The following LARS1 variants were observed in gnomAD, a reference collection of about 807,000 sequenced individuals.
LARS1 encodes leucyl-tRNA synthetase 1, also known as leucine--tRNA ligase, cytoplasmic.
LARS1 carries 100 observed loss-of-function variants against 162.8 expected under a neutral mutation model. The observed-to-expected ratio is 0.61, with a 90% CI of 0.52 to 0.73. The LOEUF is 0.73. LARS1 is among the 30% of genes least tolerant of loss of function. The pLI is 0.00. For missense variants in LARS1, 1,258 were observed against 1,408.9 expected (o/e 0.89, Z 1.71); for synonymous variants, 457 against 462.8 (o/e 0.99, Z 0.16).
At position 146,114,193 on chromosome 5, in the gene LARS1, A is replaced by G. The variant is rs768362696; in HGVS notation, c.3444T>C (p.Asn1148=). ...GAATTTTCTTGCTCATGAGGTCCAC[A>G]TTGAAAACAGCATGCTCAGAAATGG... The part of the protein sequence containing the change: ...KTPISEHAVF[N]VDLMSKKIHL... The change falls in exon 32 of 32, where the codon AAT becomes AAC. Residue 1148 remains asparagine (N), a synonymous_variant. Transcript: ENST00000394434. The G allele has an allele frequency of 6.8e-6, 11 of 1,613,508 alleles. No individual in the cohort carries two copies. Among genetic ancestry groups the G allele is most frequent in the South Asian group, 1.1e-5 (1 of 91,022 alleles).
rs1752062288 is a variant in LARS1, at chr5:146,126,646, C to G, written c.2881-101G>C. On this transcript the variant is annotated intron_variant, in intron 27 of 31. Transcript: ENST00000394434. ...GCATAGAATGGTGGCCTCTATCAAT[C>G]CTTAGAGAACAGCAGAAAAGTGTCC... 3 of 712,122 alleles carry G rather than the reference C, an allele frequency of 4.2e-6. No homozygotes were observed. The East Asian group carries it at 8.1e-5, about 19-fold the overall frequency. 44.1% of individuals were successfully genotyped at this position (712,122 alleles called of 1,614,324 possible).
chr5:146,151,020 T>C (rs1753263881), intron 14 of LARS1, among the ~76,000 whole-genome samples: 3 of 151,552 alleles, frequency 2.0e-5, no homozygotes, highest in Admixed American at 1.3e-4. Flanking sequence ...TAGTTTGAAT[T>C]CCAGTTCCCA....
chr5:146,182,072 CT>C (rs1754896809), intron 1 of LARS1: 1 of 167,858 alleles, frequency 6.0e-6, no homozygotes, highest in Non-Finnish European at 1.3e-5. Context: ...TCCCGAGTAG[CT>C]GGGTTAACAG....
intron 1 of LARS1, 78 bp downstream of exon 1, chr5:146,182,410 G>C (rs936288294): frequency 6.3e-7 from 1 of 1,574,956 alleles, no homozygotes; most frequent in African/African-American, 1.3e-5. Flanking sequence ...TTTCCCTTCA[G>C]GACAGCACAT....
rs775913193 is a variant in LARS1, at chr5:146,160,454, A to C, written c.627T>G (p.Asp209Glu). 1.9e-6 allele frequency: 3 copies of C among 1,574,700 alleles called. No homozygotes were observed. In the East Asian group the frequency reaches 7.2e-5, roughly 38 times the overall value. The change falls in exon 7 of 32, where the codon GAT (aspartate) becomes GAG (glutamate). Residue 209 changes from aspartate to glutamate, a missense_variant. Physicochemically the swap from Asp to Glu is conservative, Grantham distance 45 (BLOSUM62 2). Coordinates refer to ENST00000394434, the MANE Select transcript of LARS1 (RefSeq NM_020117.11). ...VDWRRSFITT[D>E]VNPYYDSFVR... ...CAAATGAATCATAGTAAGGATTAAC[A>C]TCAGTGGTGATGAAGGAACGACGCC...
chr5:146,114,483 C>T (rs898286893), intron 31 of LARS1, among the ~76,000 whole-genome samples, 172 bp from the exon 32 acceptor site: 1 of 152,162 alleles, frequency 6.6e-6, no homozygotes, highest in Non-Finnish European at 1.5e-5. Flanking sequence ...CCTGTAATCC[C>T]AGCACTTTGG....
intron 6 of LARS1, among the ~76,000 whole-genome samples, chr5:146,163,118 C>T (rs992897424): frequency 2.0e-5 from 3 of 152,166 alleles, no homozygotes; most frequent in African/African-American, 4.8e-5. Flanking sequence ...CTACAACTTG[C>T]ACTTTTCTAT....
At chr5:146,150,908 C>A (rs1753251478) in intron 14 of LARS1, among the ~76,000 whole-genome samples, 1 of 149,310 alleles carries the variant, frequency 6.7e-6, no homozygotes, top group Admixed American at 6.7e-5. Flanking sequence ...CACCGCACTC[C>A]AGCCTGTGAG....
intron 24 of LARS1, 177 bp downstream of exon 24, chr5:146,130,842 A>G: frequency 6.7e-6 from 3 of 450,932 alleles, no homozygotes; most frequent in South Asian, 1.0e-4. Flanking sequence ...AATAGAAAAA[A>G]TACCAAAGAT....
At chr5:146,161,951 T>C (rs958608788) in intron 6 of LARS1, among the ~76,000 whole-genome samples, 3 of 152,218 alleles carry the variant, frequency 2.0e-5, no homozygotes, top group African/African-American at 7.2e-5. Context: ...AGTTTTCTCA[T>C]GAGATTATAG....
At chr5:146,171,818 C>T in intron 4 of LARS1, 92 bp downstream of exon 4, 1 of 797,428 alleles carries the variant, frequency 1.3e-6, no homozygotes, top group Non-Finnish European at 2.0e-6. Flanking sequence ...TTTAATGCAG[C>T]AATACTTAAA....
chr5:146,178,456 A>G (rs1430164106), intron 1 of LARS1, among the ~76,000 whole-genome samples: 1 of 151,982 alleles, frequency 6.6e-6, no homozygotes, highest in Non-Finnish European at 1.5e-5. Context: ...TCTACTAAAA[A>G]TACAAAAATT....
At chr5:146,176,302 A>C (rs1754567113) in intron 2 of LARS1, among the ~76,000 whole-genome samples, 1 of 151,922 alleles carries the variant, frequency 6.6e-6, no homozygotes, top group Non-Finnish European at 1.5e-5. Flanking sequence ...AAATACAAAA[A>C]TTAGCTGGGC....
At chr5:146,161,048 C>T (rs1753756399) in intron 6 of LARS1, among the ~76,000 whole-genome samples, 1 of 152,086 alleles carries the variant, frequency 6.6e-6, no homozygotes, top group African/African-American at 2.4e-5. Flanking sequence ...ACCACCACAA[C>T]AAAACAAGTC....
At chr5:146,127,465 T>C (rs1167101018) in intron 27 of LARS1, among the ~76,000 whole-genome samples, 1 of 152,032 alleles carries the variant, frequency 6.6e-6, no homozygotes, top group African/African-American at 2.4e-5. Flanking sequence ...CAGCTGCTAA[T>C]GCCAAAAGAT....
chr5:146,172,331 T>C (rs772001479), intron 3 of LARS1, among the ~76,000 whole-genome samples: 5 of 152,044 alleles, frequency 3.3e-5, no homozygotes, highest in Non-Finnish European at 7.4e-5. Flanking sequence ...TCCTGGCCAA[T>C]ATGGTGAAAT....
Position 146,139,388 on chromosome 5 carries a change from C to T in LARS1, c.2148+816G>A, listed in dbSNP as rs113755699. 8.0e-3 allele frequency among the ~76,000 whole-genome samples: 1,205 copies of T among 149,884 alleles called. 18 individuals carry two copies. Among genetic ancestry groups the T allele is most frequent in the African/African-American group, 0.028 (1,138 of 40,724 alleles). ...AAAAGAAAAAAAAAGGAAAAGAAAA[C>T]TCTTCTGGGTCACAATGCTAAGCTC... On this transcript the variant is annotated intron_variant, in intron 21 of 31. Coordinates refer to ENST00000394434, the MANE Select transcript of LARS1 (RefSeq NM_020117.11).
rs759004573 is a variant in LARS1 at position 146,172,768 on chromosome 5, G to A, written c.132C>T (p.Gly44=). The A allele has an allele frequency of 6.5e-7, 1 of 1,542,288 alleles. No homozygotes were observed. The highest frequency in any genetic ancestry group is 8.8e-7 in the Non-Finnish European group (1 of 1,141,344). ...ASNLEKQTSK[G]KYFVTFPYPY... ...GATATGGGAAGGTTACAAAATACTT[G>A]CCCTTGCTGCAAAACAACAGTATAA... Residue 44 remains glycine (G), a synonymous_variant, in exon 3 of 32, where the codon GGC becomes GGT. Coordinates refer to ENST00000394434, the MANE Select transcript of LARS1 (RefSeq NM_020117.11).
chr5:146,123,891 G>A, intron 29 of LARS1, 91 bp downstream of exon 29: 1 of 615,604 alleles, frequency 1.6e-6, no homozygotes, highest in Non-Finnish European at 2.7e-6. Flanking sequence ...CACAGAAGAT[G>A]AAATTTATAA....
Sources: gnomAD v4.1 joint callset for allele counts (sites outside exome capture counted in the v4.1 genomes callset) on GRCh38, gnomAD v4.1.1 for gene constraint, MANE v1.5 for transcripts, NCBI Gene and HGNC (gene_info 2026-07-23, HGNC 2026-07-21) for gene names.